The following PLA2R1 variants were observed in gnomAD, a reference collection of about 807,000 sequenced individuals.
PLA2R1 encodes phospholipase A2 receptor 1.
In PLA2R1, 158 loss-of-function variants were observed where a neutral mutation model predicts 195.9. That is an observed-to-expected ratio of 0.81 (90% confidence interval 0.71 to 0.92). PLA2R1 has a LOEUF of 0.92. PLA2R1 is among the 40% of genes least tolerant of loss of function. PLA2R1 has a pLI of 0.00. For missense variants in PLA2R1, 1,626 were observed against 1,764.6 expected, an observed-to-expected ratio of 0.92 and a Z score of 1.41; for synonymous variants, 586 against 598.2, an observed-to-expected ratio of 0.98 and a Z score of 0.30.
Position 160,042,185 on chromosome 2 carries a change from G to T in PLA2R1, c.507C>A (p.Ile169=). 6.2e-7 allele frequency: 1 copy of T among 1,613,104 alleles called. No homozygotes were observed. The highest frequency in any genetic ancestry group is 1.3e-5 in the African/African-American group (1 of 75,054). The part of the protein sequence containing the change: ...CEYLHKDLHT[I]KGNTHGMPCM... ...ACGGCATCCCGTGGGTGTTCCCTTTGATTGTATGCAAATCTAGGAGAAAGA... is the reference window on the plus strand; with the variant it reads ...ACGGCATCCCGTGGGTGTTCCCTTTTATTGTATGCAAATCTAGGAGAAAGA... The change falls in exon 3 of 30, where the codon ATC becomes ATA. Residue 169 remains isoleucine, a synonymous_variant. Transcript: ENST00000283243.
intron 8 of PLA2R1, among the ~76,000 whole-genome samples, chr2:160,017,573 C>T (rs112877605): frequency 1.3e-5 from 2 of 152,152 alleles, no homozygotes; most frequent in Non-Finnish European, 2.9e-5. Context: ...ATCAGGAATT[C>T]GAACAGCACC....
chr2:160,047,677 C>T (rs1045761282), intron 1 of PLA2R1, among the ~76,000 whole-genome samples: 2 of 152,182 alleles, frequency 1.3e-5, no homozygotes, highest in African/African-American at 4.8e-5. Flanking sequence ...TTCTGCATTA[C>T]CCACCTGTAA....
chr2:159,940,718 C>G lies in PLA2R1; in HGVS notation c.*1060G>C, dbSNP rs990184812. ...TCATAATCATTATTTACCATCTACA[C>G]TAACTAGACTAATATAAAAGGAGAT... On this transcript the variant is annotated 3_prime_UTR_variant, in exon 30 of 30. Coordinates refer to ENST00000283243, the MANE Select transcript of PLA2R1 (RefSeq NM_007366.5). 6 of 152,272 alleles carry G rather than the reference C, an allele frequency of 3.9e-5. No homozygotes were observed. The highest frequency in any genetic ancestry group is 1.4e-4 in the African/African-American group (6 of 41,548). The allele number at this position is 152,272 out of a possible 1,614,324, so 9.4% of individuals were successfully genotyped here. A position where few individuals can be genotyped will look rare whatever the true frequency, so the allele number is the denominator to read the frequency against.
At chr2:160,000,795 TA>T (rs1691537884) in intron 11 of PLA2R1, among the ~76,000 whole-genome samples, 1 of 152,168 alleles carries the variant, frequency 6.6e-6, no homozygotes, top group African/African-American at 2.4e-5. Context: ...AAATAAAATT[TA>T]ATTAGATCTG....
intron 22 of PLA2R1, 76 bp from the exon 23 acceptor site, chr2:159,955,422 T>G: frequency 1.1e-6 from 1 of 944,718 alleles, no homozygotes; most frequent in South Asian, 1.7e-5. Context: ...TATTAAGACA[T>G]TATTTTTAAA....
intron 1 of PLA2R1, among the ~76,000 whole-genome samples, chr2:160,051,405 G>C (rs548953793): frequency 1.3e-5 from 2 of 152,238 alleles, no homozygotes; most frequent in East Asian, 1.9e-4. Context: ...CTTCCTGCCC[G>C]GCAGCCTGTC....
At chr2:160,047,205 C>T (rs1694922456) in intron 1 of PLA2R1, among the ~76,000 whole-genome samples, 1 of 152,134 alleles carries the variant, frequency 6.6e-6, no homozygotes, top group African/African-American at 2.4e-5. Flanking sequence ...CAGATTGCTC[C>T]ATCTCAGTGA....
chr2:160,044,301 T>C (rs1694729521), intron 2 of PLA2R1, among the ~76,000 whole-genome samples: 1 of 152,164 alleles, frequency 6.6e-6, no homozygotes, highest in Admixed American at 6.5e-5. Context: ...ATTAATCACA[T>C]GAATGCCAGC....
intron 11 of PLA2R1, among the ~76,000 whole-genome samples, chr2:159,995,175 A>G (rs1691128646): frequency 6.6e-6 from 1 of 152,096 alleles, no homozygotes; most frequent in African/African-American, 2.4e-5. Context: ...AGGGAAACAC[A>G]GGAGCTTTTA....
rs377246519 is a variant in PLA2R1 at position 159,977,364 on chromosome 2, C to G, written c.2321G>C (p.Cys774Ser). 6.2e-7 allele frequency: 1 copy of G among 1,612,564 alleles called. No homozygotes were observed. The highest frequency in any genetic ancestry group is 1.3e-5 in the African/African-American group (1 of 74,910). Reference sequence around the variant, plus strand: ...TGTTTTGTTTGCCTTATAAACAGCACAGTTTCTTGCATCTTCTCCAAAATA... The same window carrying G: ...TGTTTTGTTTGCCTTATAAACAGCAGAGTTTCTTGCATCTTCTCCAAAATA... ...NTYFGEDARNCAVYKANKTLL... is the reference protein window; with the variant it reads ...NTYFGEDARNSAVYKANKTLL... Residue 774 changes from cysteine to serine, a missense_variant, in exon 15 of 30, where the codon TGT (cysteine) becomes TCT (serine). Cys to Ser is a moderately radical substitution (Grantham distance 112). Transcript: ENST00000283243.
At chr2:159,970,346 C>T (rs748636337) in intron 17 of PLA2R1, 134 bp from the exon 18 acceptor site, 1 of 467,822 alleles carries the variant, frequency 2.1e-6, no homozygotes, top group East Asian at 3.3e-5. Flanking sequence ...TACACTAAGG[C>T]CTAGCATCTT....
chr2:159,978,469 T>C (rs1166886366), intron 14 of PLA2R1, among the ~76,000 whole-genome samples: 1 of 152,226 alleles, frequency 6.6e-6, no homozygotes, highest in Non-Finnish European at 1.5e-5. Context: ...ATTCATTTTG[T>C]CCAGCAGATA....
intron 6 of PLA2R1, among the ~76,000 whole-genome samples, chr2:160,027,976 A>G (rs1361226045): frequency 6.6e-6 from 1 of 152,230 alleles, no homozygotes; most frequent in African/African-American, 2.4e-5. Context: ...TTTTTAAAAG[A>G]GAAGAAAATG....
intron 2 of PLA2R1, among the ~76,000 whole-genome samples, chr2:160,042,703 A>G (rs1014465776): frequency 2.0e-5 from 3 of 152,190 alleles, no homozygotes; most frequent in African/African-American, 7.2e-5. Context: ...AGAGAAAGAG[A>G]AAGCAAATAT....
At chr2:159,992,053 TG>T (rs1690850051) in intron 11 of PLA2R1, among the ~76,000 whole-genome samples, 1 of 133,398 alleles carries the variant, frequency 7.5e-6, no homozygotes, top group Non-Finnish European at 1.6e-5. Flanking sequence ...ACTTCCACAA[TG>T]GTTGAACTAG....
chr2:160,020,225 T>C lies in PLA2R1; in HGVS notation c.1333A>G (p.Lys445Glu). Reference sequence around the variant, plus strand: ...GACCATTCAAAGGAAACTGGAATTTTATTGCTGCTCAAACCAATCCATGTT... The same window carrying C: ...GACCATTCAAAGGAAACTGGAATTTCATTGCTGCTCAAACCAATCCATGTT... ...SETWIGLSSN[K>E]IPVSFEWSND... The change falls in exon 8 of 30, where the codon AAA (lysine) becomes GAA (glutamate). Residue 445 changes from lysine to glutamate, a missense_variant. Physicochemically the swap from Lys to Glu is moderately conservative, Grantham distance 56 (BLOSUM62 1). Transcript: ENST00000283243. The C allele has an allele frequency of 6.2e-7, 1 of 1,611,720 alleles. No homozygotes were observed. Among genetic ancestry groups the C allele is most frequent in the Non-Finnish European group, 8.5e-7 (1 of 1,177,936 alleles).
chr2:160,028,418 T>G (rs1693654008), intron 5 of PLA2R1, 57 bp from the exon 6 acceptor site: 3 of 1,260,172 alleles, frequency 2.4e-6, no homozygotes, highest in Non-Finnish European at 3.4e-6. Flanking sequence ...GTTTAATATA[T>G]ATTGAAATGT....
At chr2:159,970,329 G>A in intron 17 of PLA2R1, 117 bp from the exon 18 acceptor site, 2 of 588,736 alleles carry the variant, frequency 3.4e-6, no homozygotes, top group Admixed American at 3.3e-5. Context: ...AATTATCTAA[G>A]GAAGAATACA....
intron 8 of PLA2R1, among the ~76,000 whole-genome samples, chr2:160,018,204 C>G (rs1406242964): frequency 6.6e-6 from 1 of 151,720 alleles, no homozygotes; most frequent in Non-Finnish European, 1.5e-5. Context: ...TACCTATCAT[C>G]AATCTCTTAA....
Sources: allele counts gnomAD v4.1 joint callset (sites outside exome capture counted in the v4.1 genomes callset), GRCh38; gene constraint gnomAD v4.1.1; transcripts MANE v1.5; gene names NCBI Gene and HGNC (gene_info 2026-07-23, HGNC 2026-07-21).